Variants in PCDHGA3 observed in about 807,000 individuals in gnomAD.
The protein encoded by PCDHGA3 is protocadherin gamma subfamily A, 3.
In PCDHGA3, 40 loss-of-function variants were observed where a neutral mutation model predicts 58.5. That is an observed-to-expected ratio of 0.68 (90% CI 0.53 to 0.89). The LOEUF (loss-of-function observed/expected upper bound fraction) is 0.89, where lower values mean the gene tolerates loss of function less well. PCDHGA3 is among the 40% of genes least tolerant of loss of function. The pLI, the probability that PCDHGA3 is intolerant of heterozygous loss-of-function variation, is 0.00. For missense variants in PCDHGA3, 1,223 were observed against 1,195.9 expected, an observed-to-expected ratio of 1.02 and a Z score of -0.33; for synonymous variants, 530 against 525.7, an observed-to-expected ratio of 1.01 and a Z score of -0.11.
At chr5:141,382,378 C>A (rs1160680038) in intron 1 of PCDHGA3, among the ~76,000 whole-genome samples, 1 of 152,098 alleles carries the variant, frequency 6.6e-6, no homozygotes, top group Non-Finnish European at 1.5e-5. Context: ...TTTTTGCCTT[C>A]AATAACTGAT....
chr5:141,387,777 C>G, intron 1 of PCDHGA3: 1 of 1,453,750 alleles, frequency 6.9e-7, no homozygotes, highest in Non-Finnish European at 9.2e-7. Context: ...TTTTCTTGAA[C>G]TGGAACTGCA....
At chr5:141,414,861 T>C in intron 1 of PCDHGA3, 1 of 1,614,118 alleles carries the variant, frequency 6.2e-7, no homozygotes, top group Admixed American at 1.7e-5. Context: ...AGAACGACAA[T>C]GCGCCCGAGA....
rs367744321 is a variant in PCDHGA3, at chr5:141,489,394, C to G, written c.2425-5413C>G. The G allele has an allele frequency of 3.7e-6, 6 of 1,614,008 alleles. No individual in the cohort carries two copies. In the African/African-American group the frequency reaches 6.7e-5, roughly 18 times the overall value. On this transcript the variant is annotated intron_variant, in intron 1 of 3. Transcript: ENST00000253812. The surrounding 1 kb of genome is among the most constrained non-coding windows in gnomAD (Gnocchi z 4.5). ...GCTGGTGGGGAATGTTGCTCAGGATCTGGGCTTAAAGATGACAGATCTGTT... is the reference window on the plus strand; with the variant it reads ...GCTGGTGGGGAATGTTGCTCAGGATGTGGGCTTAAAGATGACAGATCTGTT...
chr5:141,430,580 G>A, intron 1 of PCDHGA3: 1 of 478,526 alleles, frequency 2.1e-6, no homozygotes, highest in Admixed American at 3.8e-5. Context: ...CGGAGATCCT[G>A]CTCGCCTTGC....
intron 1 of PCDHGA3, among the ~76,000 whole-genome samples, chr5:141,380,766 T>C (rs1403335185): frequency 1.3e-5 from 2 of 152,224 alleles, no homozygotes; most frequent in Admixed American, 1.3e-4. Context: ...TATAAATTAA[T>C]TGAGACTTTT....
At chr5:141,427,087 A>G (rs1338132084) in intron 1 of PCDHGA3, 1 of 458,198 alleles carries the variant, frequency 2.2e-6, no homozygotes, top group Non-Finnish European at 4.4e-6. Flanking sequence ...ACTGACCAGG[A>G]TGAGGGTGTC....
intron 1 of PCDHGA3, chr5:141,409,924 C>A (rs760490649): frequency 6.2e-7 from 1 of 1,613,416 alleles, no homozygotes; most frequent in Admixed American, 1.7e-5. Flanking sequence ...GCTCCGCGTT[C>A]TTCGATATGG....
chr5:141,365,365 C>T (rs761258930), intron 1 of PCDHGA3: 23 of 1,613,810 alleles, frequency 1.4e-5, no homozygotes, highest in Non-Finnish European at 1.9e-5. Context: ...ACAATGCCCC[C>T]GAAGTGATCC....
chr5:141,422,131 G>T (rs747294750), intron 1 of PCDHGA3: 3 of 1,598,182 alleles, frequency 1.9e-6, no homozygotes, highest in Non-Finnish European at 2.6e-6. Context: ...AACTGGAGAA[G>T]TTCAAGTACG....
chr5:141,403,547 G>T (rs940508173), intron 1 of PCDHGA3: 8 of 1,613,888 alleles, frequency 5.0e-6, no homozygotes, highest in African/African-American at 1.3e-5. Flanking sequence ...GCTGGAGCGC[G>T]CCCTGGACAG....
intron 1 of PCDHGA3, chr5:141,478,229 T>C: frequency 6.2e-7 from 1 of 1,614,074 alleles, no homozygotes; most frequent in Non-Finnish European, 8.5e-7. Flanking sequence ...TTCTGTGGGG[T>C]TTGTGGTCAC....
rs2095935492 is a variant in PCDHGA3 at position 141,415,755 on chromosome 5, T to TG, written c.2424+69298_2424+69299insG. ...GTTTATTAAGGTTTTTTTTTTTTTT[T>TG]TTTTTTTTTTTTTTTTTACTTTCTG... On this transcript the variant is annotated intron_variant, in intron 1 of 3. Coordinates refer to ENST00000253812, the MANE Select transcript of PCDHGA3 (RefSeq NM_018916.4). 10 of 1,387,646 alleles carry TG rather than the reference T, an allele frequency of 7.2e-6. No individual in the cohort carries two copies. The African/African-American group carries it at 1.4e-4, about 19-fold the overall frequency. The allele number at this position is 1,387,646 out of a possible 1,614,324, so 86.0% of individuals were successfully genotyped here.
At chr5:141,360,363 A>T (rs1213185009) in intron 1 of PCDHGA3, 1 of 1,613,936 alleles carries the variant, frequency 6.2e-7, no homozygotes, top group Non-Finnish European at 8.5e-7. Context: ...AATATTTCAC[A>T]GTAAACCCAG....
chr5:141,393,534 G>T, intron 1 of PCDHGA3: 1 of 1,613,928 alleles, frequency 6.2e-7, no homozygotes, highest in Non-Finnish European at 8.5e-7. Context: ...CAATGCCCCG[G>T]TTTTTCCTCA....
At chr5:141,346,901 T>C (rs562632250) in intron 1 of PCDHGA3, among the ~76,000 whole-genome samples, 2 of 152,364 alleles carry the variant, frequency 1.3e-5, no homozygotes, top group Admixed American at 6.5e-5. Context: ...TCCTGATACA[T>C]ACAAGTAAAA....
At chr5:141,356,949 T>C in intron 1 of PCDHGA3, 1 of 1,614,204 alleles carries the variant, frequency 6.2e-7, no homozygotes, top group Non-Finnish European at 8.5e-7. Context: ...GCTCCGCAGA[T>C]TCCGGCTACC....
chr5:141,419,870 G>C, intron 1 of PCDHGA3: 1 of 1,614,054 alleles, frequency 6.2e-7, no homozygotes, highest in Non-Finnish European at 8.5e-7. Context: ...CTTGCAAGAG[G>C]TACTGCCGGA....
chr5:141,364,593 G>T (rs1404153764), intron 1 of PCDHGA3: 1 of 1,614,096 alleles, frequency 6.2e-7, no homozygotes, highest in Non-Finnish European at 8.5e-7. Flanking sequence ...GTCACCGCGG[G>T]CAGGATAGAC....
At chr5:141,385,414 A>G in intron 1 of PCDHGA3, 1 of 1,472,092 alleles carries the variant, frequency 6.8e-7, no homozygotes. Context: ...GAAAATAGGG[A>G]TTTAAAAAAC....
Sources: gnomAD v4.1 joint callset for allele counts (sites outside exome capture counted in the v4.1 genomes callset) on GRCh38, gnomAD v4.1.1 for gene constraint, Gnocchi (gnomAD v3.1) non-coding constraint, MANE v1.5 for transcripts, NCBI Gene and HGNC (gene_info 2026-07-23, HGNC 2026-07-21) for gene names.